Variants in TMEM108 observed in about 807,000 individuals in gnomAD.
TMEM108 encodes the protein transmembrane protein 108, also known as cancer/testis antigen 124.
A neutral mutation model predicts 35.1 loss-of-function variants in TMEM108; 12 were observed. The observed-to-expected ratio is 0.34, with a 90% confidence interval of 0.22 to 0.55. The LOEUF is 0.55. Ranked by LOEUF, TMEM108 falls within the 20% of genes least tolerant of loss-of-function variation. The pLI, the probability that TMEM108 is intolerant of heterozygous loss-of-function variation, is 0.89. For synonymous variants in TMEM108, 287 were observed against 308.6 expected, an observed-to-expected ratio of 0.93 and a Z score of 0.73; for missense variants, 680 against 753.3, an observed-to-expected ratio of 0.90 and a Z score of 1.14.
rs193138642 is a variant in TMEM108, at chr3:133,160,960, C to A, written c.-46-68306C>A. ...CCTAACTGGCCCTCCTGCTTACACA[C>A]CCCTCCCTGCAATCTTCAAAAGCAG... is the stretch of plus-strand genomic sequence containing the variant. On this transcript the variant is annotated intron_variant, in intron 2 of 5. Coordinates refer to ENST00000321871, the MANE Select transcript of TMEM108 (RefSeq NM_023943.4). Among the ~76,000 whole-genome samples, 28 of 152,312 alleles carry A rather than the reference C, an allele frequency of 1.8e-4. No homozygotes were observed. The East Asian group carries it at 5.0e-3, about 27-fold the overall frequency.
At position 133,110,604 on chromosome 3, in the gene TMEM108, G is replaced by A. The variant is rs141282189; in HGVS notation, c.-47+64584G>A. On this transcript the variant is annotated intron_variant, in intron 2 of 5. Coordinates refer to ENST00000321871, the MANE Select transcript of TMEM108 (RefSeq NM_023943.4). ...CATCTTGTTGTCACATAGCCAGAGA[G>A]TATTGTGAATCCATTGCTGATCTGT... Among the ~76,000 whole-genome samples the A allele has an allele frequency of 1.9e-3, 297 of 152,314 alleles. 1 individual carries two copies. The highest frequency in any genetic ancestry group is 7.0e-3 in the African/African-American group (291 of 41,562).
At chr3:133,240,073 A>T (rs570687173) in intron 3 of TMEM108, among the ~76,000 whole-genome samples, 11 of 152,332 alleles carry the variant, frequency 7.2e-5, no homozygotes, top group African/African-American at 2.2e-4. Flanking sequence ...TGCTTATTGC[A>T]GCTGTCTCAT....
intron 3 of TMEM108, among the ~76,000 whole-genome samples, chr3:133,374,140 T>G (rs956301762): frequency 3.3e-5 from 5 of 152,146 alleles, no homozygotes; most frequent in African/African-American, 1.2e-4. Context: ...TCAGAAGGGA[T>G]GTAGGGTGTC....
intron 2 of TMEM108, among the ~76,000 whole-genome samples, chr3:133,222,847 CT>C (rs201055582): frequency 2.8e-4 from 42 of 151,422 alleles, no homozygotes; most frequent in South Asian, 4.2e-4. Context: ...ATTATTTGTA[CT>C]TTTTTTTTCT....
chr3:133,125,721 A>G (rs1944406775), intron 2 of TMEM108, among the ~76,000 whole-genome samples: 1 of 152,242 alleles, frequency 6.6e-6, no homozygotes, highest in Non-Finnish European at 1.5e-5. Flanking sequence ...AAGTGTATAT[A>G]TAAATTTATC....
intron 2 of TMEM108, among the ~76,000 whole-genome samples, chr3:133,170,354 T>TA (rs1288494380): frequency 2.0e-5 from 3 of 152,174 alleles, no homozygotes; most frequent in African/African-American, 4.8e-5. Flanking sequence ...TCTGTTCAGT[T>TA]AAAAAAACTT....
intron 2 of TMEM108, among the ~76,000 whole-genome samples, chr3:133,159,805 A>T (rs115338063): frequency 6.6e-6 from 1 of 152,044 alleles, no homozygotes; most frequent in African/African-American, 2.4e-5. Context: ...TTTAACTGCT[A>T]CTCTATGCCC....
chr3:133,290,400 C>T lies in TMEM108; in HGVS notation c.40+61049C>T, dbSNP rs531178676. ...TTTTGGGAGCCCAAGCTGAGTGGATCATCTCAGGTCAGGAGTTTGAGACCA... is the reference window on the plus strand; with the variant it reads ...TTTTGGGAGCCCAAGCTGAGTGGATTATCTCAGGTCAGGAGTTTGAGACCA... On this transcript the variant is annotated intron_variant, in intron 3 of 5. Coordinates refer to ENST00000321871, the MANE Select transcript of TMEM108 (RefSeq NM_023943.4). 2.2e-3 allele frequency among the ~76,000 whole-genome samples: 329 copies of T among 152,280 alleles called. 2 individuals are homozygous for T. The highest frequency in any genetic ancestry group is 6.7e-3 in the African/African-American group (279 of 41,546).
intron 3 of TMEM108, among the ~76,000 whole-genome samples, chr3:133,337,438 T>A (rs2071532151): frequency 6.6e-6 from 1 of 152,172 alleles, no homozygotes; most frequent in Admixed American, 6.5e-5. Context: ...TCAGATCTTA[T>A]CCAAGACCAT....
At chr3:133,389,238 T>C (rs2073197266) in intron 4 of TMEM108, 1 of 985,420 alleles carries the variant, frequency 1.0e-6, no homozygotes, top group Non-Finnish European at 1.2e-6. Flanking sequence ...TATCGAGACA[T>C]AATTCTTCCT....
At chr3:133,333,058 C>T (rs1164912867) in intron 3 of TMEM108, among the ~76,000 whole-genome samples, 1 of 152,138 alleles carries the variant, frequency 6.6e-6, no homozygotes, top group Non-Finnish European at 1.5e-5. Flanking sequence ...CCTCTCCTTC[C>T]TTGTAGGGTG....
chr3:133,185,580 A>G (rs951598302), intron 2 of TMEM108, among the ~76,000 whole-genome samples: 4 of 150,794 alleles, frequency 2.7e-5, no homozygotes, highest in African/African-American at 9.8e-5. Flanking sequence ...AAGCTTCTTG[A>G]CATTTTGCCT....
intron 3 of TMEM108, among the ~76,000 whole-genome samples, chr3:133,271,122 C>A (rs968633691): frequency 1.3e-5 from 2 of 152,194 alleles, no homozygotes; most frequent in Non-Finnish European, 2.9e-5. Flanking sequence ...TCTTGCCATG[C>A]CCTTCCCCCA....
intron 3 of TMEM108, among the ~76,000 whole-genome samples, chr3:133,230,302 C>T (rs1156894361): frequency 6.6e-6 from 1 of 152,210 alleles, no homozygotes; most frequent in Admixed American, 6.5e-5. Context: ...CAGTGCAAAG[C>T]ACTTCATCTA....
chr3:133,231,370 G>A (rs1402828129), intron 3 of TMEM108, among the ~76,000 whole-genome samples: 2 of 152,146 alleles, frequency 1.3e-5, no homozygotes, highest in Non-Finnish European at 2.9e-5. Context: ...TCTGTAATTT[G>A]AGCAGGGCTT....
chr3:133,313,478 C>T (rs370138735), intron 3 of TMEM108, among the ~76,000 whole-genome samples: 2 of 152,164 alleles, frequency 1.3e-5, no homozygotes, highest in East Asian at 3.8e-4. Flanking sequence ...AGCCACCGCG[C>T]CTGGCCAAAT....
intron 3 of TMEM108, among the ~76,000 whole-genome samples, chr3:133,284,687 C>A (rs1946960508): frequency 6.6e-6 from 1 of 152,188 alleles, no homozygotes; most frequent in Non-Finnish European, 1.5e-5. Context: ...AAACGGCTTT[C>A]TTCTCTTCTT....
intron 3 of TMEM108, among the ~76,000 whole-genome samples, chr3:133,282,029 C>T (rs1393964605): frequency 3.9e-5 from 6 of 152,080 alleles, no homozygotes; most frequent in African/African-American, 1.4e-4. Flanking sequence ...TGGTGGCAGG[C>T]ACCTGTAGTC....
chr3:133,172,787 A>G (rs559037163), intron 2 of TMEM108, among the ~76,000 whole-genome samples: 1 of 152,316 alleles, frequency 6.6e-6, no homozygotes, highest in South Asian at 2.1e-4. Context: ...CTCATCTTCA[A>G]TTCCCATGTA....
Sources: allele counts gnomAD v4.1 joint callset (sites outside exome capture counted in the v4.1 genomes callset), GRCh38; gene constraint gnomAD v4.1.1; transcripts MANE v1.5; gene names NCBI Gene and HGNC (gene_info 2026-07-23, HGNC 2026-07-21).